The following ANKHD1 variants were observed in gnomAD, a reference collection of about 807,000 sequenced individuals.
ANKHD1 encodes the protein ankyrin repeat and KH domain containing 1.
Under a neutral mutation model 230.5 loss-of-function variants are expected in ANKHD1, and 31 were observed. The observed-to-expected ratio is 0.13, with a 90% CI of 0.10 to 0.18. The LOEUF (loss-of-function observed/expected upper bound fraction) is 0.18. Among genes scored for constraint, ANKHD1 ranks in the 10% least tolerant of loss-of-function variants. The pLI, the probability that ANKHD1 is intolerant of heterozygous loss-of-function variation, is 1.00. For missense variants in ANKHD1, 2,256 were observed against 3,071.3 expected (o/e 0.73, Z 6.27); for synonymous variants, 1,074 against 1,117.6 (o/e 0.96, Z 0.78).
intron 1 of ANKHD1, among the ~76,000 whole-genome samples, chr5:140,413,406 A>G (rs1771096895): frequency 6.6e-6 from 1 of 152,166 alleles, no homozygotes; most frequent in South Asian, 2.1e-4. Flanking sequence ...CATTAAGTGT[A>G]TTTACATTGT....
At position 140,538,082 on chromosome 5, in the gene ANKHD1, C is replaced by T. The variant is rs1225231854; in HGVS notation, c.7229-4C>T. 6.2e-7 allele frequency: 1 copy of T among 1,600,872 alleles called. No individual in the cohort carries two copies. The highest frequency in any genetic ancestry group is 1.7e-4 in the Middle Eastern group (1 of 6,004). ...AAAACTTTGTTTTCAATTATTCTTT[C>T]CAGAAGGCTTATCAGGTTGGTCGCA... On this transcript the variant is annotated splice_polypyrimidine_tract_variant and splice_region_variant and intron_variant, in intron 31 of 33. Transcript: ENST00000360839.
chr5:140,420,033 T>C (rs1438440103), intron 1 of ANKHD1, among the ~76,000 whole-genome samples: 2 of 129,826 alleles, frequency 1.5e-5, no homozygotes, highest in East Asian at 4.9e-4. Flanking sequence ...CCTCCCTCTG[T>C]TGCCCAGGCT....
At chr5:140,438,279 G>T (rs745375813) in intron 2 of ANKHD1, among the ~76,000 whole-genome samples, 182 bp from the exon 3 acceptor site, 2 of 152,210 alleles carry the variant, frequency 1.3e-5, no homozygotes, top group Non-Finnish European at 2.9e-5. Context: ...GTTATGCCAT[G>T]GCCTTTTGAC....
intron 22 of ANKHD1, 81 bp from the exon 23 acceptor site, chr5:140,512,744 CTGT>C: frequency 7.8e-7 from 1 of 1,279,678 alleles, no homozygotes; most frequent in Non-Finnish European, 1.1e-6. Flanking sequence ...CTTTGTAATT[CTGT>C]TGTTTTACTT....
chr5:140,461,649 A>G (rs1409445185), intron 9 of ANKHD1, among the ~76,000 whole-genome samples: 1 of 152,150 alleles, frequency 6.6e-6, no homozygotes, highest in Non-Finnish European at 1.5e-5. Context: ...CCACATCCCC[A>G]TTCTTACAAA....
chr5:140,482,680 C>T lies in ANKHD1; in HGVS notation c.1870+13C>T. ...CTTATTAGCAAAGGTAAAGAAAGGG[C>T]AAGTGATCATTTCCAAGAGGCTACA... is the stretch of plus-strand genomic sequence containing the variant. On this transcript the variant is annotated intron_variant, in intron 11 of 33. Transcript: ENST00000360839. 6.2e-7 allele frequency: 1 copy of T among 1,608,384 alleles called. No individual in the cohort carries two copies. Among genetic ancestry groups the T allele is most frequent in the Non-Finnish European group, 8.5e-7 (1 of 1,178,162 alleles).
At chr5:140,459,001 T>TATATATGC (rs1775497933) in intron 8 of ANKHD1, 139 bp downstream of exon 8, 1 of 60,156 alleles carries the variant, frequency 1.7e-5, no homozygotes, top group Non-Finnish European at 3.0e-5. Flanking sequence ...TATATGCATA[T>TATATATGC]ATATATATAT....
At chr5:140,537,101 T>C (rs1253286490) in intron 30 of ANKHD1, 1 of 234,700 alleles carries the variant, frequency 4.3e-6, no homozygotes, top group Admixed American at 5.6e-5. Flanking sequence ...GCCTGCTTCC[T>C]TTCTAGCATT....
At position 140,428,042 on chromosome 5, in the gene ANKHD1, G is replaced by T. The variant is rs577449417; in HGVS notation, c.307-8062G>T. ...CTCCCCACATCCCGGACGATGGGCAGCCGGGCAGAGACGCTCCTCACTTCC... is the reference window on the plus strand; with the variant it reads ...CTCCCCACATCCCGGACGATGGGCATCCGGGCAGAGACGCTCCTCACTTCC... On this transcript the variant is annotated intron_variant, in intron 1 of 33. Coordinates refer to ENST00000360839, the MANE Select transcript of ANKHD1 (RefSeq NM_017747.3). 1.9e-3 allele frequency among the ~76,000 whole-genome samples: 295 copies of T among 152,192 alleles called. 3 individuals carry two copies. Among genetic ancestry groups the T allele is most frequent in the African/African-American group, 6.5e-3 (269 of 41,540 alleles).
chr5:140,467,844 T>C (rs946253094), intron 10 of ANKHD1, among the ~76,000 whole-genome samples: 3 of 152,050 alleles, frequency 2.0e-5, no homozygotes, highest in African/African-American at 7.2e-5. Flanking sequence ...CTGGTAATTC[T>C]TATCAACTTT....
chr5:140,528,506 C>T lies in ANKHD1; in HGVS notation c.5560C>T (p.Pro1854Ser). 1.2e-6 allele frequency: 2 copies of T among 1,614,058 alleles called. No individual in the cohort carries two copies. Among genetic ancestry groups the T allele is most frequent in the Non-Finnish European group, 1.7e-6 (2 of 1,180,018 alleles). ...TTCTCTACCCTTAGCTTATCCTCACCCTCATTTTGCCCTGCTGGCTGCTCA... is the reference window on the plus strand; with the variant it reads ...TTCTCTACCCTTAGCTTATCCTCACTCTCATTTTGCCCTGCTGGCTGCTCA... The part of the protein sequence containing the change: ...PVSLPLAYPH[P>S]HFALLAAQTM... Residue 1854 changes from proline (P) to serine (S), a missense_variant, in exon 29 of 34, where the codon CCT (proline) becomes TCT (serine). Pro to Ser is a moderately conservative substitution (Grantham distance 74). Coordinates refer to ENST00000360839, the MANE Select transcript of ANKHD1 (RefSeq NM_017747.3).
chr5:140,519,892 C>T (rs1012125414), intron 24 of ANKHD1, among the ~76,000 whole-genome samples: 3 of 151,872 alleles, frequency 2.0e-5, no homozygotes, highest in African/African-American at 7.3e-5. Flanking sequence ...TCTAAAACAC[C>T]AAAAGCAATG....
rs1342951749 is a variant in ANKHD1 at position 140,512,935 on chromosome 5, A to G, written c.4200+12A>G. 4 of 1,583,620 alleles carry G rather than the reference A, an allele frequency of 2.5e-6. No individual in the cohort carries two copies. The highest frequency in any genetic ancestry group is 3.4e-6 in the Non-Finnish European group (4 of 1,168,392). ...CAATTACAGATAAGGTAAGTTTAAT[A>G]TGCTACTGAAGCACATTTTTGTTCT... is the stretch of plus-strand genomic sequence containing the variant. On this transcript the variant is annotated intron_variant, in intron 23 of 33. Transcript: ENST00000360839.
At chr5:140,490,329 C>T (rs1751715210) in intron 14 of ANKHD1, among the ~76,000 whole-genome samples, 1 of 151,956 alleles carries the variant, frequency 6.6e-6, no homozygotes, top group Non-Finnish European at 1.5e-5. Context: ...GTATTAATGC[C>T]CATAAATCTT....
intron 1 of ANKHD1, among the ~76,000 whole-genome samples, chr5:140,426,113 T>A (rs1772384898): frequency 6.6e-6 from 1 of 152,212 alleles, no homozygotes. Context: ...TTTTAAATGA[T>A]CAAATCTGAA....
intron 10 of ANKHD1, among the ~76,000 whole-genome samples, chr5:140,479,787 T>C (rs1372864769): frequency 6.7e-6 from 1 of 149,952 alleles, no homozygotes; most frequent in East Asian, 1.9e-4. Context: ...TATATGTGTG[T>C]GTGTATATAA....
chr5:140,418,296 A>C (rs1246600824), intron 1 of ANKHD1, among the ~76,000 whole-genome samples: 1 of 151,846 alleles, frequency 6.6e-6, no homozygotes, highest in African/African-American at 2.4e-5. Flanking sequence ...GATGTGCACC[A>C]CTACAGTGGC....
rs1293254094 is a variant in ANKHD1, at chr5:140,415,439, C to CTT, written c.306+13182_306+13183dup. On this transcript the variant is annotated intron_variant, in intron 1 of 33. Transcript: ENST00000360839. ...TTTTAAATTTACGCCTTTGATACCT[C>CTT]TTTTTTTTTTTTTTTTTGAGATGGA... Among the ~76,000 whole-genome samples the CTT allele has an allele frequency of 3.4e-4, 46 of 136,362 alleles. 1 individual carries two copies. Among genetic ancestry groups the CTT allele is most frequent in the Non-Finnish European group, 4.9e-4 (31 of 62,868 alleles). The allele number at this position is 136,362 out of a possible 152,430, so 89.5% of individuals were successfully genotyped here. A position where few individuals can be genotyped will look rare whatever the true frequency, so the allele number is the denominator to read the frequency against.
chr5:140,520,565 G>A (rs947936104), intron 24 of ANKHD1, among the ~76,000 whole-genome samples: 45 of 151,988 alleles, frequency 3.0e-4, no homozygotes, highest in South Asian at 6.3e-4. Context: ...TTAAGAAAAT[G>A]TGGCACATAT....
Sources: gnomAD v4.1 joint callset for allele counts (sites outside exome capture counted in the v4.1 genomes callset) on GRCh38, gnomAD v4.1.1 for gene constraint, MANE v1.5 for transcripts, NCBI Gene and HGNC (gene_info 2026-07-23, HGNC 2026-07-21) for gene names.